Variants in BICRA observed in about 807,000 individuals in gnomAD.
BICRA encodes the protein BRD4-interacting chromatin-remodeling complex-associated protein.
A neutral mutation model predicts 96.9 loss-of-function variants in BICRA; 31 were observed. The observed-to-expected ratio is 0.32, with a 90% confidence interval of 0.24 to 0.43. The LOEUF is 0.43. BICRA is among the 20% of genes least tolerant of loss of function. The probability of loss-of-function intolerance (pLI) is 1.00; values close to 1 mark genes in which losing one functional copy is unlikely to be tolerated. For missense variants in BICRA, 2,283 were observed against 2,190.3 expected, an observed-to-expected ratio of 1.04 and a Z score of -0.84; for synonymous variants, 1,350 against 1,071.8, an observed-to-expected ratio of 1.26 and a Z score of -5.07.
intron 1 of BICRA, among the ~76,000 whole-genome samples, chr19:47,658,991 C>A (rs1200593143): frequency 6.6e-6 from 1 of 152,202 alleles, no homozygotes; most frequent in Non-Finnish European, 1.5e-5. Context: ...ACTTTACCCT[C>A]TCCCAGGGTT....
Position 47,680,296 on chromosome 19 carries a change from G to T in BICRA, c.1126G>T (p.Ala376Ser). 6.4e-7 allele frequency: 1 copy of T among 1,554,724 alleles called. No homozygotes were observed. The highest frequency in any genetic ancestry group is 8.6e-7 in the Non-Finnish European group (1 of 1,158,934). The part of the protein sequence containing the change: ...LTPKPFAPAG[A>S]TLTIQGEPGA... ...GCCCAAGCCGTTTGCGCCCGCGGGCGCCACGCTCACCATCCAGGGCGAGCC... is the reference window on the plus strand; with the variant it reads ...GCCCAAGCCGTTTGCGCCCGCGGGCTCCACGCTCACCATCCAGGGCGAGCC... Residue 376 changes from alanine to serine, a missense_variant, in exon 6 of 15, where the codon GCC (alanine) becomes TCC (serine). Transcript: ENST00000594866.
chr19:47,684,993 CAG>C (rs1346193052), intron 7 of BICRA, among the ~76,000 whole-genome samples: 1 of 152,124 alleles, frequency 6.6e-6, no homozygotes, highest in East Asian at 1.9e-4. Flanking sequence ...TTTTTGGAAA[CAG>C]GGTCTGGTTC....
chr19:47,695,344 CCCCA>C lies in BICRA; in HGVS notation c.3077-17_3077-14del. 1.9e-6 allele frequency: 1 copy of C among 513,696 alleles called. No individual in the cohort carries two copies. The allele number at this position is 513,696 out of a possible 1,614,324, so 31.8% of individuals were successfully genotyped here. A position where few individuals can be genotyped will look rare whatever the true frequency, so the allele number is the denominator to read the frequency against. On this transcript the variant is annotated splice_polypyrimidine_tract_variant and intron_variant, in intron 9 of 14. Transcript: ENST00000594866. ...ATGCAGTGACCGCAGGCCCTGTCTC[CCCCA>C]CCCCACCCACCCCCAGGCCTCCCTC...
In BICRA at chr19:47,676,486, C is replaced by T. The variant is rs549821229; in HGVS notation, c.150+570C>T. On this transcript the variant is annotated intron_variant, in intron 5 of 14. Transcript: ENST00000594866. ...GACTAAGTGCCAGTTGTCCACACCA[C>T]GGTGGCCACCTCCTTCCTCCTTCTC... 3.1e-3 allele frequency among the ~76,000 whole-genome samples: 466 copies of T among 152,118 alleles called. 3 individuals are homozygous for T. Among genetic ancestry groups the T allele is most frequent in the Non-Finnish European group, 5.8e-3 (391 of 67,972 alleles).
intron 1 of BICRA, among the ~76,000 whole-genome samples, chr19:47,620,633 G>A (rs1053276878): frequency 8.1e-6 from 1 of 123,604 alleles, no homozygotes; most frequent in African/African-American, 3.2e-5. Flanking sequence ...TCATACCACT[G>A]CACTTTAGCT....
At chr19:47,694,837 C>T (rs557582291) in intron 8 of BICRA, 63 bp from the exon 9 acceptor site, 18 of 1,272,276 alleles carry the variant, frequency 1.4e-5, no homozygotes, top group East Asian at 1.2e-4. Flanking sequence ...AGCCCTGCTG[C>T]GTCTGGACAC....
At chr19:47,649,108 C>T (rs986753015) in intron 1 of BICRA, among the ~76,000 whole-genome samples, 1 of 152,100 alleles carries the variant, frequency 6.6e-6, no homozygotes, top group Non-Finnish European at 1.5e-5. Flanking sequence ...GCCTCGGCAT[C>T]CCAAAGTGCT....
chr19:47,665,429 A>G lies in BICRA; in HGVS notation c.-107-5014A>G, dbSNP rs140151480. ...CGGTAGAGGAGACACACAGTAAACAACCAAACCATCAGACGGATATATGAT... is the reference window on the plus strand; with the variant it reads ...CGGTAGAGGAGACACACAGTAAACAGCCAAACCATCAGACGGATATATGAT... On this transcript the variant is annotated intron_variant, in intron 1 of 14. Coordinates refer to ENST00000594866, the MANE Select transcript of BICRA (RefSeq NM_001394372.1). Among the ~76,000 whole-genome samples, 3 of 152,248 alleles carry G rather than the reference A, an allele frequency of 2.0e-5. No homozygotes were observed. In the East Asian group the frequency reaches 5.8e-4, roughly 29 times the overall value.
chr19:47,694,931 C>A lies in BICRA; in HGVS notation c.2927C>A (p.Ala976Asp). The A allele has an allele frequency of 2.6e-6, 4 of 1,531,188 alleles. No homozygotes were observed. The highest frequency in any genetic ancestry group is 3.5e-6 in the Non-Finnish European group (4 of 1,147,538). The allele number at this position is 1,531,188 out of a possible 1,614,324, so 94.9% of individuals were successfully genotyped here. The change falls in exon 9 of 15, where the codon GCT (alanine) becomes GAT (aspartate). Residue 976 changes from alanine to aspartate, a missense_variant. By Grantham distance (126) the Ala-to-Asp change is moderately radical. Transcript: ENST00000594866. ...VPSGIILQNK[A>D]GGAPAAPQTS... Reference sequence around the variant, plus strand: ...TCCGGAATCATCCTCCAGAACAAGGCTGGGGGGGCCCCTGCCGCCCCGCAG... The same window carrying A: ...TCCGGAATCATCCTCCAGAACAAGGATGGGGGGGCCCCTGCCGCCCCGCAG...
At position 47,675,966 on chromosome 19, in the gene BICRA, G is replaced by A. The variant is rs746440968; in HGVS notation, c.150+50G>A. On this transcript the variant is annotated intron_variant, in intron 5 of 14. Coordinates refer to ENST00000594866, the MANE Select transcript of BICRA (RefSeq NM_001394372.1). The surrounding 1 kb of genome is among the most constrained non-coding windows in gnomAD (Gnocchi z 4.7). ...TGCCTGAGCTGTTGGGGCTGCCAGCGGGAGGAGGGCCCTGAAGCCAAGAGG... is the reference window on the plus strand; with the variant it reads ...TGCCTGAGCTGTTGGGGCTGCCAGCAGGAGGAGGGCCCTGAAGCCAAGAGG... The A allele has an allele frequency of 3.5e-5, 47 of 1,360,734 alleles. No individual in the cohort carries two copies. The highest frequency in any genetic ancestry group is 1.8e-4 in the Middle Eastern group (1 of 5,470). The allele number at this position is 1,360,734 out of a possible 1,614,324, so 84.3% of individuals were successfully genotyped here. A position where few individuals can be genotyped will look rare whatever the true frequency, so the allele number is the denominator to read the frequency against.
chr19:47,636,602 G>C (rs1040490918), intron 1 of BICRA, among the ~76,000 whole-genome samples: 1 of 152,056 alleles, frequency 6.6e-6, no homozygotes, highest in Non-Finnish European at 1.5e-5. Context: ...CTGCCTCTCA[G>C]GTTCCAGCGA....
At chr19:47,696,062 G>A (rs11673120) in intron 10 of BICRA, among the ~76,000 whole-genome samples, 61,681 of 151,842 alleles carry the variant, frequency 0.41, 12,845 homozygotes, top group East Asian at 0.61. Context: ...AAGGGAGGCG[G>A]GGGGGCGAAA....
chr19:47,685,786 T>TGTGCGTGCGCGCGC, intron 7 of BICRA, among the ~76,000 whole-genome samples: 4 of 117,930 alleles, frequency 3.4e-5, no homozygotes, highest in African/African-American at 1.5e-4. Context: ...TGTGTGTGTG[T>TGTGCGTGCGCGCGC]GCGCGCGCGC....
chr19:47,634,793 C>T (rs530599488), intron 1 of BICRA, among the ~76,000 whole-genome samples: 10 of 136,688 alleles, frequency 7.3e-5, no homozygotes, highest in Admixed American at 3.1e-4. Flanking sequence ...GACAGAGTCT[C>T]GCTCTGTCAC....
chr19:47,634,660 C>T (rs927669268), intron 1 of BICRA, among the ~76,000 whole-genome samples: 8 of 151,994 alleles, frequency 5.3e-5, no homozygotes, highest in African/African-American at 1.7e-4. Context: ...TCTCAGTAAA[C>T]GGCACCATCT....
At chr19:47,666,545 G>A (rs1024156706) in intron 1 of BICRA, among the ~76,000 whole-genome samples, 1 of 148,046 alleles carries the variant, frequency 6.8e-6, no homozygotes, top group African/African-American at 2.5e-5. Flanking sequence ...CCAAAGTGCT[G>A]GCATTACAGG....
chr19:47,681,373 C>A, intron 6 of BICRA, 97 bp downstream of exon 6: 1 of 1,087,674 alleles, frequency 9.2e-7, no homozygotes, highest in Non-Finnish European at 1.3e-6. Flanking sequence ...AAGTGGATGC[C>A]ACTGTGGCAG....
intron 1 of BICRA, among the ~76,000 whole-genome samples, chr19:47,655,227 T>G (rs1351454253): frequency 6.6e-6 from 1 of 151,942 alleles, no homozygotes; most frequent in Non-Finnish European, 1.5e-5. Flanking sequence ...TTTTGCTGTT[T>G]AAAATGTCCC....
In BICRA at chr19:47,680,238, G is replaced by A. The variant is rs1973015550; in HGVS notation, c.1068G>A (p.Ala356=). Reference sequence around the variant, plus strand: ...CCACGCCCATCCAGCCCAAGCCCGCGGGGGTGCTGCCGCCCAAGCTCTACC... The same window carrying A: ...CCACGCCCATCCAGCCCAAGCCCGCAGGGGTGCTGCCGCCCAAGCTCTACC... ...RTPTPIQPKP[A]GVLPPKLYQL... The change falls in exon 6 of 15, where the codon GCG becomes GCA. Residue 356 remains alanine (A), a synonymous_variant. Coordinates refer to ENST00000594866, the MANE Select transcript of BICRA (RefSeq NM_001394372.1). The A allele has an allele frequency of 4.5e-6, 7 of 1,560,336 alleles. No homozygotes were observed. The highest frequency in any genetic ancestry group is 3.5e-5 in the South Asian group (3 of 86,046).
Sources: allele counts gnomAD v4.1 joint callset (sites outside exome capture counted in the v4.1 genomes callset), GRCh38; gene constraint gnomAD v4.1.1; non-coding constraint Gnocchi (gnomAD v3.1); transcripts MANE v1.5; gene names NCBI Gene and HGNC (gene_info 2026-07-23, HGNC 2026-07-21).